Variants in NBPF11 observed in about 807,000 individuals in gnomAD.
NBPF11 encodes the protein NBPF member 11.
NBPF11 carries 72 observed loss-of-function variants against 93.9 expected under a neutral mutation model. The observed-to-expected ratio is 0.77, with a 90% confidence interval of 0.63 to 0.93. NBPF11 has a LOEUF of 0.93. Ranked by LOEUF, NBPF11 falls within the 40% of genes least tolerant of loss-of-function variation. NBPF11 has a pLI of 0.00. For missense variants in NBPF11, 705 were observed against 802.2 expected, an observed-to-expected ratio of 0.88 and a Z score of 1.46; for synonymous variants, 224 against 304.9, an observed-to-expected ratio of 0.73 and a Z score of 2.76.
At chr1:148,146,938 G>A in intron 1 of NBPF11, 1 of 1,593,502 alleles carries the variant, frequency 6.3e-7, no homozygotes, top group Admixed American at 1.8e-5. Context: ...GCGACCCTGG[G>A]GGCAGCTCAG....
Position 148,149,342 on chromosome 1 carries a change from A to G in NBPF11, c.-549+2408T>C, listed in dbSNP as rs1212382943. The G allele has an allele frequency of 1.5e-5, 24 of 1,596,922 alleles. 1 individual carries two copies. The highest frequency in any genetic ancestry group is 8.0e-5 in the African/African-American group (6 of 74,554). ...CTACTGCTTCGACGCCTTCCCTAAC[A>G]TCGAGAAGGTGTCCAAGATCACGTC... On this transcript the variant is annotated intron_variant, in intron 1 of 23. Coordinates refer to ENST00000682118, the MANE Select transcript of NBPF11 (RefSeq NM_001385469.3).
At chr1:148,146,293 C>A (rs1673041264) in intron 1 of NBPF11, 12 of 1,343,162 alleles carry the variant, frequency 8.9e-6, no homozygotes, top group Non-Finnish European at 1.1e-5. Flanking sequence ...GCTCTCCCCC[C>A]TGCCCGCGAC....
chr1:148,125,003 T>C lies in NBPF11; in HGVS notation c.176-2A>G. The C allele has an allele frequency of 1.3e-6, 2 of 1,578,830 alleles. No homozygotes were observed. Among genetic ancestry groups the C allele is most frequent in the South Asian group, 2.2e-5 (2 of 90,464 alleles). ...TGAGGTCTTTACACTCTTCATACTC[T>C]GAGAAAAGACAGACACGCCTGCCTC... On this transcript the variant is annotated splice_acceptor_variant, in intron 5 of 23. Coordinates refer to ENST00000682118, the MANE Select transcript of NBPF11 (RefSeq NM_001385469.3). LOFTEE classifies it high-confidence loss of function.
Position 148,122,811 on chromosome 1 carries a change from C to G in NBPF11, c.494-10G>C. On this transcript the variant is annotated splice_polypyrimidine_tract_variant and intron_variant, in intron 7 of 23. Coordinates refer to ENST00000682118, the MANE Select transcript of NBPF11 (RefSeq NM_001385469.3). ...TCATCTTCGTCATTTTCTATAAATA[C>G]AAAATGTTCGTTCAGATATTTCCCA... The G allele has an allele frequency of 6.2e-7, 1 of 1,609,730 alleles. No individual in the cohort carries two copies.
chr1:148,111,809 C>A (rs1445663234), intron 15 of NBPF11, among the ~76,000 whole-genome samples: 2 of 151,348 alleles, frequency 1.3e-5, no homozygotes, highest in African/African-American at 4.9e-5. Flanking sequence ...GAGAATGGAA[C>A]CAAGCTGGGA....
chr1:148,129,480 G>C (rs1471385845), intron 4 of NBPF11: 1 of 152,666 alleles, frequency 6.6e-6, no homozygotes, highest in African/African-American at 2.4e-5. Context: ...CAACGCAAAG[G>C]CCAGGTGGAC....
chr1:148,112,180 T>A (rs1293964697), intron 15 of NBPF11, among the ~76,000 whole-genome samples: 2 of 146,602 alleles, frequency 1.4e-5, no homozygotes, highest in African/African-American at 2.6e-5. Context: ...ATACTTTAAG[T>A]CTTAGGGTAC....
At chr1:148,134,740 G>A (rs1287257334) in intron 4 of NBPF11, among the ~76,000 whole-genome samples, 3 of 151,872 alleles carry the variant, frequency 2.0e-5, no homozygotes, top group Non-Finnish European at 4.4e-5. Context: ...ATTGGGGCTG[G>A]TACAGCCTCA....
chr1:148,129,063 G>A (rs1268800968), intron 4 of NBPF11, among the ~76,000 whole-genome samples: 3 of 145,878 alleles, frequency 2.1e-5, no homozygotes, highest in East Asian at 2.0e-4. Flanking sequence ...CGAGTTAATG[G>A]GTGCAGCAAA....
At position 148,103,714 on chromosome 1, in the gene NBPF11, T is replaced by A. The variant is rs1662823006; in HGVS notation, c.*182A>T. The A allele has an allele frequency of 6.2e-7, 1 of 1,611,404 alleles. No individual in the cohort carries two copies. The highest frequency in any genetic ancestry group is 1.7e-5 in the Admixed American group (1 of 60,012). On this transcript the variant is annotated 3_prime_UTR_variant, in exon 24 of 24. Coordinates refer to ENST00000682118, the MANE Select transcript of NBPF11 (RefSeq NM_001385469.3). The stretch of plus-strand genomic sequence containing the variant: ...CCATCTGGAAGACCAGGTGGAGACT[T>A]CTCACCGTCAAAGTAAAAAACCTAT...
intron 7 of NBPF11, 133 bp from the exon 8 acceptor site, chr1:148,122,934 T>A (rs1668222351): frequency 6.5e-7 from 1 of 1,532,532 alleles, no homozygotes; most frequent in Non-Finnish European, 8.9e-7. Context: ...GTTTTATCCT[T>A]CACAAAATGC....
At chr1:148,106,446 G>T (rs1242223227) in intron 20 of NBPF11, among the ~76,000 whole-genome samples, 1 of 145,132 alleles carries the variant, frequency 6.9e-6, no homozygotes, top group East Asian at 2.0e-4. Flanking sequence ...CTGGTAGATC[G>T]TTATCCCAAA....
intron 18 of NBPF11, among the ~76,000 whole-genome samples, chr1:148,108,268 C>T (rs1664267863): frequency 6.6e-6 from 1 of 151,838 alleles, no homozygotes; most frequent in Non-Finnish European, 1.5e-5. Flanking sequence ...GTGCCACAGG[C>T]ATGGCCTGAG....
At chr1:148,146,624 A>G (rs1219009405) in intron 1 of NBPF11, 2 of 1,611,194 alleles carry the variant, frequency 1.2e-6, no homozygotes, top group Non-Finnish European at 1.7e-6. Flanking sequence ...GCCGACTTCC[A>G]GTACAGCCAG....
Position 148,122,216 on chromosome 1 carries a change from T to A in NBPF11, c.617A>T (p.Glu206Val), listed in dbSNP as rs1404967446. The change falls in exon 9 of 24, where the codon GAA becomes GTA. Residue 206 changes from glutamate to valine, a missense_variant. Transcript: ENST00000682118. Reference sequence around the variant, plus strand: ...GCTATTTGAACAAGTGATGGCACATTCCTCCAGTGAGTCCTCAGGGACTTT... The same window carrying A: ...GCTATTTGAACAAGTGATGGCACATACCTCCAGTGAGTCCTCAGGGACTTT... Reference protein sequence around the residue: ...ESKVPEDSLEECAITCSNSHG... With the variant: ...ESKVPEDSLEVCAITCSNSHG... 1.1e-5 allele frequency: 18 copies of A among 1,612,050 alleles called. No homozygotes were observed. In the African/African-American group the frequency reaches 1.5e-4, roughly 13 times the overall value.
At position 148,146,886 on chromosome 1, in the gene NBPF11, C is replaced by T. The variant is rs1156246286; in HGVS notation, c.-548-3200G>A. 2.6e-5 allele frequency: 42 copies of T among 1,613,370 alleles called. 1 individual carries two copies. The highest frequency in any genetic ancestry group is 1.6e-4 in the Middle Eastern group (1 of 6,072). On this transcript the variant is annotated intron_variant, in intron 1 of 23. Transcript: ENST00000682118. ...GGCCTTCCGAGAGGAACCTCTATGC[C>T]GACATCGACGCCACCTGGCAGGCCC...
At chr1:148,147,233 GT>G (rs1673305480) in intron 1 of NBPF11, among the ~76,000 whole-genome samples, 1 of 152,102 alleles carries the variant, frequency 6.6e-6, no homozygotes, top group African/African-American at 2.4e-5. Context: ...GCGGGAGGGA[GT>G]GGGTGGTGGT....
chr1:148,134,216 C>G (rs1475796170), intron 4 of NBPF11, among the ~76,000 whole-genome samples: 2 of 151,272 alleles, frequency 1.3e-5, no homozygotes, highest in South Asian at 4.2e-4. Flanking sequence ...GCTAAAGGAA[C>G]AAAGGTAAAT....
rs1167623533 is a variant in NBPF11, at chr1:148,124,906, C to T, written c.271G>A (p.Glu91Lys). 21 of 1,609,688 alleles carry T rather than the reference C, an allele frequency of 1.3e-5. No homozygotes were observed. The highest frequency in any genetic ancestry group is 1.6e-5 in the Non-Finnish European group (19 of 1,179,934). ...KLAEQLKQAE[E>K]LRQYKVLVHS... ...CCTACGGGGTCCCCTCACCTGAGCT[C>T]CTCAGCTTGCTTGAGCTGCTCTGCA... The change falls in exon 6 of 24, where the codon GAG becomes AAG. Residue 91 changes from glutamate to lysine, a missense_variant. Physicochemically the swap from Glu to Lys is moderately conservative, Grantham distance 56 (BLOSUM62 1). Around this residue, in one of 12 missense-constraint regions of NBPF11, gnomAD observed 128 missense variants for 112.8 expected, o/e 1.14. Coordinates refer to ENST00000682118, the MANE Select transcript of NBPF11 (RefSeq NM_001385469.3).
Sources: allele counts gnomAD v4.1 joint callset (sites outside exome capture counted in the v4.1 genomes callset), GRCh38; gene constraint gnomAD v4.1.1; regional missense constraint gnomAD v4.1.1; transcripts MANE v1.5; gene names NCBI Gene and HGNC (gene_info 2026-07-23, HGNC 2026-07-21).